Variants in MYT1L observed in about 807,000 individuals in gnomAD.
The protein encoded by MYT1L is myelin transcription factor 1 like, also known as myelin transcription factor 1-like protein.
Under a neutral mutation model 126.7 loss-of-function variants are expected in MYT1L, and 12 were observed. The ratio of observed to expected loss-of-function variants is 0.09; its 90% confidence interval spans 0.06 to 0.15. The LOEUF (loss-of-function observed/expected upper bound fraction) is 0.15. Ranked by LOEUF, MYT1L falls within the 10% of genes least tolerant of loss-of-function variation. The pLI is 1.00. For missense variants in MYT1L, 979 were observed against 1,585.2 expected (o/e 0.62, Z 6.49); for synonymous variants, 541 against 604.2 (o/e 0.90, Z 1.53).
At chr2:2,024,107 A>G (rs1209931117) in intron 4 of MYT1L, among the ~76,000 whole-genome samples, 1 of 152,194 alleles carries the variant, frequency 6.6e-6, no homozygotes, top group Non-Finnish European at 1.5e-5. Flanking sequence ...TATCTTGACT[A>G]TAATCTAAAA....
chr2:2,093,916 C>A (rs1012635039), intron 3 of MYT1L, among the ~76,000 whole-genome samples: 95 of 152,312 alleles, frequency 6.2e-4, no homozygotes, highest in Middle Eastern at 3.4e-3. Flanking sequence ...TATGGCTAGC[C>A]AGTTTTCCCA....
At chr2:1,996,136 G>A (rs1434973555) in intron 5 of MYT1L, among the ~76,000 whole-genome samples, 1 of 152,218 alleles carries the variant, frequency 6.6e-6, no homozygotes, top group East Asian at 1.9e-4. Flanking sequence ...GTGGTTTGTG[G>A]ACAATGTGGT....
intron 18 of MYT1L, among the ~76,000 whole-genome samples, chr2:1,869,247 G>C (rs2045975567): frequency 6.6e-6 from 1 of 152,128 alleles, no homozygotes; most frequent in Non-Finnish European, 1.5e-5. Flanking sequence ...CTCCACCAGA[G>C]ACAAAGCACA....
intron 2 of MYT1L, among the ~76,000 whole-genome samples, chr2:2,177,944 A>AGT (rs2091006514): frequency 6.6e-6 from 1 of 152,212 alleles, no homozygotes; most frequent in South Asian, 2.1e-4. Flanking sequence ...ACACAGACCC[A>AGT]GTGGATAGCT....
chr2:1,933,349 A>C (rs1026757786), intron 9 of MYT1L, among the ~76,000 whole-genome samples: 2 of 152,188 alleles, frequency 1.3e-5, no homozygotes, highest in Non-Finnish European at 2.9e-5. Flanking sequence ...TTCTAGCCCC[A>C]AAATGGAAGA....
chr2:2,056,220 G>A (rs2069534160), intron 3 of MYT1L, among the ~76,000 whole-genome samples: 1 of 152,142 alleles, frequency 6.6e-6, no homozygotes, highest in African/African-American at 2.4e-5. Context: ...AGGGCTGCTT[G>A]TCCAAATACT....
rs760671873 is a variant in MYT1L, at chr2:1,922,767, G to A, written c.1002C>T (p.Cys334=). ...LSSLECLRNQ[C]FDLARKLSET... is the part of the protein sequence containing the mutation. ...CACTGAGCTTCCTGGCCAGGTCGAA[G>A]CACTGATTCCTCAAACACTCCAGAC... Residue 334 remains cysteine, a synonymous_variant, in exon 10 of 25, where the codon TGC becomes TGT. Transcript: ENST00000647738. The surrounding 1 kb of genome is among the most constrained non-coding windows in gnomAD (Gnocchi z 7.4). The A allele has an allele frequency of 7.2e-5, 117 of 1,613,830 alleles. No homozygotes were observed. The highest frequency in any genetic ancestry group is 1.2e-5 in the Non-Finnish European group (14 of 1,179,894).
intron 3 of MYT1L, among the ~76,000 whole-genome samples, chr2:2,171,123 G>A (rs2089995717): frequency 6.6e-6 from 1 of 152,126 alleles, no homozygotes. Context: ...GGGCAAAGCA[G>A]GACAGGATTT....
rs185958046 is a variant in MYT1L, at chr2:2,118,637, T to C, written c.-304+54235A>G. Among the ~76,000 whole-genome samples the C allele has an allele frequency of 8.3e-4, 127 of 152,340 alleles. 1 individual carries two copies. The Middle Eastern group carries it at 0.01, about 12-fold the overall frequency. ...TTTTAAAATCGACAACAAAACAAATTCTGTTAAGGATAGTGCCTTGGATAC... is the reference window on the plus strand; with the variant it reads ...TTTTAAAATCGACAACAAAACAAATCCTGTTAAGGATAGTGCCTTGGATAC... On this transcript the variant is annotated intron_variant, in intron 3 of 24. Transcript: ENST00000647738.
chr2:1,917,302 T>G lies in MYT1L; in HGVS notation c.1521A>C (p.Pro507=). 1 of 1,612,994 alleles carries G rather than the reference T, an allele frequency of 6.2e-7. No individual in the cohort carries two copies. The highest frequency in any genetic ancestry group is 2.2e-5 in the East Asian group (1 of 44,872). The change falls in exon 11 of 25, where the codon CCA becomes CCC. Residue 507 remains proline, a synonymous_variant. Transcript: ENST00000647738. The surrounding 1 kb of genome is among the most constrained non-coding windows in gnomAD (Gnocchi z 5.9). ...GGCCGGTTCCATCACACCCGGGGGT[T>G]GGACACTTGCTCTCTTTCTTTTCTG... ...SRTEKKESKC[P]TPGCDGTGHV... is the part of the protein sequence containing the mutation.
At chr2:2,217,667 TCTC>T (rs2093715942) in intron 2 of MYT1L, among the ~76,000 whole-genome samples, 1 of 100,984 alleles carries the variant, frequency 9.9e-6, no homozygotes, top group Non-Finnish European at 1.9e-5. Context: ...CAAAACTCCA[TCTC>T]AACAACAACA....
Position 1,848,578 on chromosome 2 carries a change from C to A in MYT1L, c.2774+3063G>T, listed in dbSNP as rs182640972. ...CTAAGTGGCGTTTGCCTATAGGTAACATTATCTTCCTGTTCCTGGGAAACA... is the reference window on the plus strand; with the variant it reads ...CTAAGTGGCGTTTGCCTATAGGTAAAATTATCTTCCTGTTCCTGGGAAACA... On this transcript the variant is annotated intron_variant, in intron 19 of 24. Coordinates refer to ENST00000647738, the MANE Select transcript of MYT1L (RefSeq NM_001303052.2). The surrounding 1 kb of genome is among the most constrained non-coding windows in gnomAD (Gnocchi z 4.8). 1.1e-4 allele frequency among the ~76,000 whole-genome samples: 16 copies of A among 152,310 alleles called. No homozygotes were observed. In the East Asian group the frequency reaches 3.1e-3, roughly 29 times the overall value.
intron 2 of MYT1L, among the ~76,000 whole-genome samples, chr2:2,185,922 C>T (rs1238677250): frequency 1.6e-5 from 2 of 121,268 alleles, no homozygotes; most frequent in African/African-American, 3.7e-5. Flanking sequence ...TCCCAAGTCC[C>T]GCGTTCCTTC....
In MYT1L at chr2:2,061,457, G is replaced by C. The variant is rs1200874345; in HGVS notation, c.-303-7334C>G. ...TAAATATAGAAATTGAAACAGCTGT[G>C]TTTAGTGCCTTTGTTCAACCCCCTT... On this transcript the variant is annotated intron_variant, in intron 3 of 24. Transcript: ENST00000647738. Among the ~76,000 whole-genome samples, 4 of 151,838 alleles carry C rather than the reference G, an allele frequency of 2.6e-5. No individual in the cohort carries two copies. In the East Asian group the frequency reaches 7.7e-4, roughly 29 times the overall value.
intron 3 of MYT1L, among the ~76,000 whole-genome samples, chr2:2,063,051 T>C (rs2070740999): frequency 6.6e-6 from 1 of 152,174 alleles, no homozygotes; most frequent in East Asian, 1.9e-4. Flanking sequence ...TTCCATCCCT[T>C]TGCCATTTTG....
chr2:2,280,881 G>A (rs2095437798), intron 2 of MYT1L, among the ~76,000 whole-genome samples: 1 of 152,194 alleles, frequency 6.6e-6, no homozygotes, highest in African/African-American at 2.4e-5. Flanking sequence ...TCATTTAACT[G>A]ATGAAGTGAC....
intron 13 of MYT1L, 121 bp from the exon 14 acceptor site, chr2:1,903,415 A>C (rs1373119482): frequency 4.0e-6 from 3 of 753,068 alleles, no homozygotes; most frequent in Non-Finnish European, 6.4e-6. Flanking sequence ...AGAACCTTGC[A>C]CTAAAACTAC....
chr2:1,945,439 G>A (rs537063063), intron 8 of MYT1L, among the ~76,000 whole-genome samples: 6 of 152,258 alleles, frequency 3.9e-5, no homozygotes, highest in East Asian at 3.9e-4. Flanking sequence ...ACCAAGGGCC[G>A]TGAGGGAGCT....
intron 2 of MYT1L, among the ~76,000 whole-genome samples, chr2:2,217,700 CA>C (rs1168697652): frequency 4.1e-5 from 3 of 72,686 alleles, no homozygotes; most frequent in African/African-American, 2.3e-4. Context: ...ACAACAACAA[CA>C]ACAACAAAAA....
Sources: gnomAD v4.1 joint callset for allele counts (sites outside exome capture counted in the v4.1 genomes callset) on GRCh38, gnomAD v4.1.1 for gene constraint, Gnocchi (gnomAD v3.1) non-coding constraint, MANE v1.5 for transcripts, NCBI Gene and HGNC (gene_info 2026-07-23, HGNC 2026-07-21) for gene names.